KCNAB2: variants seen among roughly 807,000 people sequenced by gnomAD.
KCNAB2 encodes voltage-gated potassium channel subunit beta-2.
In KCNAB2, 29 loss-of-function variants were observed where a neutral mutation model predicts 63.6. The ratio of observed to expected loss-of-function variants is 0.46; its 90% CI spans 0.34 to 0.62. The LOEUF (loss-of-function observed/expected upper bound fraction) is 0.62. KCNAB2 is among the 20% of genes least tolerant of loss of function. The pLI is 0.01. For synonymous variants in KCNAB2, 222 were observed against 224.2 expected (o/e 0.99, Z 0.09); for missense variants, 359 against 563.9 (o/e 0.64, Z 3.68).
upstream of KCNAB2, among the ~76,000 whole-genome samples, chr1:6,043,614 G>A (rs1660685993): frequency 6.6e-6 from 1 of 152,196 alleles, no homozygotes; most frequent in African/African-American, 2.4e-5. Flanking sequence ...TAAGGGCTAG[G>A]GTCTTTGTTT....
chr1:6,072,764 CA>C lies in KCNAB2; in HGVS notation c.230del (p.Lys77SerfsTer15). 6.2e-7 allele frequency: 1 copy of C among 1,613,906 alleles called. No homozygotes were observed. The highest frequency in any genetic ancestry group is 8.5e-7 in the Non-Finnish European group (1 of 1,179,834). ...GGCGTTTGTTTTTCAGGAACCTGGG[CA>C]AGTCTGGCCTGCGGGTCTCCTGCCT... ...RTGMKYRNLG[K>X]SGLRVSCLGL... On this transcript the variant is annotated frameshift_variant, in exon 3 of 16. Coordinates refer to ENST00000378083, the MANE Select transcript of KCNAB2 (RefSeq NM_001199862.2). LOFTEE classifies it high-confidence loss of function.
At chr1:5,996,316 C>T (rs1350659486) in intron 1 of KCNAB2, among the ~76,000 whole-genome samples, 1 of 152,208 alleles carries the variant, frequency 6.6e-6, no homozygotes, top group Non-Finnish European at 1.5e-5. Flanking sequence ...TTGTCCTCTG[C>T]CACATCCTGG....
rs894950243 is a variant in KCNAB2, at chr1:6,071,827, C to T, written c.219-928C>T. ...CTCCTGCCGCGAGGGCACCTCCTGC[C>T]GCATAGGGCACCTCCTGCCGCGAGG... is the stretch of plus-strand genomic sequence containing the variant. On this transcript the variant is annotated intron_variant, in intron 2 of 15. Coordinates refer to ENST00000378083, the MANE Select transcript of KCNAB2 (RefSeq NM_001199862.2). The surrounding 1 kb of genome is among the most constrained non-coding windows in gnomAD (Gnocchi z 8.5). Among the ~76,000 whole-genome samples the T allele has an allele frequency of 2.0e-5, 3 of 149,734 alleles. No individual in the cohort carries two copies. Among genetic ancestry groups the T allele is most frequent in the Non-Finnish European group, 4.5e-5 (3 of 67,184 alleles).
Position 6,097,323 on chromosome 1 carries a change from C to T in KCNAB2, c.1124C>T (p.Ala375Val), listed in dbSNP as rs143302486. 1.9e-5 allele frequency: 29 copies of T among 1,552,702 alleles called. No individual in the cohort carries two copies. The highest frequency in any genetic ancestry group is 2.7e-5 in the African/African-American group (2 of 73,418). Reference protein sequence around the residue: ...VSSVLLGASNADQLMENIGAI... With the variant: ...VSSVLLGASNVDQLMENIGAI... ...TCCGTGCTCCTGGGGGCCTCCAATG[C>T]GGACCAGCTCATGGAGAACATTGGG... Residue 375 changes from alanine to valine, a missense_variant, in exon 15 of 16, where the codon GCG becomes GTG. Coordinates refer to ENST00000378083, the MANE Select transcript of KCNAB2 (RefSeq NM_001199862.2).
chr1:6,039,380 A>G (rs1223021787), intron 1 of KCNAB2, among the ~76,000 whole-genome samples: 1 of 152,186 alleles, frequency 6.6e-6, no homozygotes, highest in African/African-American at 2.4e-5. Context: ...GAAGGCGTGC[A>G]GAGCTGAGAG....
At chr1:6,080,366 C>T (rs1173149183) in intron 4 of KCNAB2, among the ~76,000 whole-genome samples, 2 of 152,166 alleles carry the variant, frequency 1.3e-5, no homozygotes, top group African/African-American at 4.8e-5. Context: ...CCTGGGTGGG[C>T]ACATCCGGGA....
At chr1:6,076,937 G>A (rs1663717722) in intron 4 of KCNAB2, among the ~76,000 whole-genome samples, 1 of 152,206 alleles carries the variant, frequency 6.6e-6, no homozygotes, top group South Asian at 2.1e-4. Flanking sequence ...CGTAATCCCA[G>A]CACTTTGGGA....
intron 1 of KCNAB2, among the ~76,000 whole-genome samples, chr1:5,998,667 C>T (rs1449081273): frequency 6.6e-6 from 1 of 152,168 alleles, no homozygotes; most frequent in Admixed American, 6.5e-5. Flanking sequence ...TCTGCTGCAT[C>T]CGGTGGGCCA....
At chr1:6,054,562 G>A (rs763435497) in intron 2 of KCNAB2, among the ~76,000 whole-genome samples, 10 of 152,098 alleles carry the variant, frequency 6.6e-5, no homozygotes, top group Admixed American at 2.0e-4. Context: ...CCTGGGAGGC[G>A]GAGGTTGCAG....
intron 1 of KCNAB2, among the ~76,000 whole-genome samples, chr1:6,008,266 A>G (rs1657943039): frequency 6.6e-6 from 1 of 152,100 alleles, no homozygotes; most frequent in Non-Finnish European, 1.5e-5. Flanking sequence ...AGTGGCTTGC[A>G]TGCCCAAGAG....
chr1:6,039,480 G>A (rs1024346206), intron 1 of KCNAB2, among the ~76,000 whole-genome samples: 3 of 152,202 alleles, frequency 2.0e-5, no homozygotes, highest in Non-Finnish European at 4.4e-5. Flanking sequence ...GTGGCAGCCA[G>A]AGATGTGGGT....
intron 2 of KCNAB2, among the ~76,000 whole-genome samples, chr1:6,066,692 A>G (rs947856456): frequency 6.6e-6 from 1 of 152,186 alleles, no homozygotes; most frequent in Non-Finnish European, 1.5e-5. Context: ...GTGGTCTGAT[A>G]TCTTTCCAGC....
intron 1 of KCNAB2, among the ~76,000 whole-genome samples, chr1:6,008,787 G>A (rs1657978732): frequency 6.6e-6 from 1 of 152,262 alleles, no homozygotes; most frequent in African/African-American, 2.4e-5. Flanking sequence ...CAGGCCCCTG[G>A]GGTCTCATGC....
At chr1:6,093,683 G>T (rs1665379749) in intron 10 of KCNAB2, among the ~76,000 whole-genome samples, 1 of 152,194 alleles carries the variant, frequency 6.6e-6, no homozygotes, top group South Asian at 2.1e-4. Flanking sequence ...GACCCCTGTG[G>T]CCCTGGGACC....
rs779716276 is a variant in KCNAB2, at chr1:6,073,975, T to A, written c.300+205T>A. 1.0e-5 allele frequency: 6 copies of A among 594,870 alleles called. No individual in the cohort carries two copies. The highest frequency in any genetic ancestry group is 1.8e-5 in the Non-Finnish European group (6 of 331,694). The allele number at this position is 594,870 out of a possible 1,614,324, so 36.8% of individuals were successfully genotyped here. ...GGCCATGGCCAGAGGGGATGCCGAG[T>A]CTGGTGCCATCACCCAGCAGTGGAT... is the stretch of plus-strand genomic sequence containing the variant. On this transcript the variant is annotated intron_variant, in intron 4 of 15. Transcript: ENST00000378083. This position sits in a 1 kb window ranked among gnomAD's most constrained non-coding sequence, Gnocchi z 5.7.
At chr1:5,999,509 G>A (rs368424897) in intron 1 of KCNAB2, among the ~76,000 whole-genome samples, 1 of 152,182 alleles carries the variant, frequency 6.6e-6, no homozygotes, top group Non-Finnish European at 1.5e-5. Context: ...AGGGCTTTGC[G>A]GGGGTTTCTG....
rs577641654 is a variant in KCNAB2, at chr1:6,076,787, G to A, written c.300+3017G>A. On this transcript the variant is annotated intron_variant, in intron 4 of 15. Transcript: ENST00000378083. ...CTGTATGTCTCCTGAGCTTCCTTCTGACTTCAGTGTCTGGGACCCAGATAC... is the reference window on the plus strand; with the variant it reads ...CTGTATGTCTCCTGAGCTTCCTTCTAACTTCAGTGTCTGGGACCCAGATAC... 3.3e-5 allele frequency among the ~76,000 whole-genome samples: 5 copies of A among 152,320 alleles called. No homozygotes were observed. The East Asian group carries it at 5.8e-4, about 18-fold the overall frequency.
At chr1:6,005,826 G>A (rs1016939008) in intron 1 of KCNAB2, among the ~76,000 whole-genome samples, 6 of 151,836 alleles carry the variant, frequency 4.0e-5, no homozygotes, top group Non-Finnish European at 8.8e-5. Flanking sequence ...GACCACGGGT[G>A]CTGTGACTGG....
intron 1 of KCNAB2, among the ~76,000 whole-genome samples, chr1:6,011,182 C>T (rs985282272): frequency 6.6e-6 from 1 of 152,202 alleles, no homozygotes; most frequent in East Asian, 1.9e-4. Flanking sequence ...GGAGTGAGGA[C>T]AGGAGCTGCC....
Sources: allele counts gnomAD v4.1 joint callset (sites outside exome capture counted in the v4.1 genomes callset), GRCh38; gene constraint gnomAD v4.1.1; non-coding constraint Gnocchi (gnomAD v3.1); transcripts MANE v1.5; gene names NCBI Gene and HGNC (gene_info 2026-07-23, HGNC 2026-07-21).